PRDM5: variants seen among roughly 807,000 people sequenced by gnomAD.
PRDM5 encodes PR/SET domain 5, also known as PR domain zinc finger protein 5.
A neutral mutation model predicts 81.2 loss-of-function variants in PRDM5; 56 were observed. That is an observed-to-expected ratio of 0.69 (90% CI 0.56 to 0.86). PRDM5 has a LOEUF of 0.86. Among genes scored for constraint, PRDM5 ranks in the 40% least tolerant of loss-of-function variants. The probability of loss-of-function intolerance (pLI) is 0.00; values close to 1 mark genes in which losing one functional copy is unlikely to be tolerated. For synonymous variants in PRDM5, 267 were observed against 256.4 expected (o/e 1.04, Z -0.39); for missense variants, 697 against 770.1 (o/e 0.91, Z 1.12).
chr4:120,747,340 C>T (rs1170834572), intron 14 of PRDM5, among the ~76,000 whole-genome samples: 4 of 148,916 alleles, frequency 2.7e-5, no homozygotes, highest in Non-Finnish European at 5.9e-5. Context: ...TGCTAGATGA[C>T]GAGTTAGTGG....
chr4:120,833,671 A>C (rs1280509777), intron 3 of PRDM5, among the ~76,000 whole-genome samples: 4 of 152,176 alleles, frequency 2.6e-5, no homozygotes, highest in Non-Finnish European at 5.9e-5. Context: ...TGCTTAGTTA[A>C]GATGGAAAAG....
At chr4:120,771,221 G>T (rs77874173) in intron 13 of PRDM5, among the ~76,000 whole-genome samples, 2 of 151,952 alleles carry the variant, frequency 1.3e-5, no homozygotes, top group African/African-American at 4.8e-5. Flanking sequence ...ATTATTGCCC[G>T]CAACCTCTCT....
chr4:120,684,362 G>A (rs996048665), downstream of PRDM5, among the ~76,000 whole-genome samples: 5 of 152,046 alleles, frequency 3.3e-5, no homozygotes, highest in Non-Finnish European at 7.4e-5. Flanking sequence ...CAAGAAAGAA[G>A]GTCATATTTG....
In PRDM5 at chr4:120,839,247, G is replaced by A. The variant is rs547790983; in HGVS notation, c.300+14171C>T. 6.3e-5 allele frequency: 44 copies of A among 703,058 alleles called. No individual in the cohort carries two copies. The Admixed American group carries it at 6.4e-4, about 10-fold the overall frequency. 43.6% of individuals were successfully genotyped at this position (703,058 alleles called of 1,614,324 possible). On this transcript the variant is annotated intron_variant, in intron 3 of 15. Coordinates refer to ENST00000264808, the MANE Select transcript of PRDM5 (RefSeq NM_018699.4). Reference sequence around the variant, plus strand: ...TCTGTGTTACAGCTCTTTTAGCCTCGCCATTCGGCGGGTCCCAAATTCTTG... The same window carrying A: ...TCTGTGTTACAGCTCTTTTAGCCTCACCATTCGGCGGGTCCCAAATTCTTG...
At chr4:120,792,647 A>C (rs1278704444) in intron 10 of PRDM5, among the ~76,000 whole-genome samples, 1 of 152,198 alleles carries the variant, frequency 6.6e-6, no homozygotes, top group Non-Finnish European at 1.5e-5. Context: ...CCAGGATATA[A>C]AAACAACCTA....
chr4:120,922,214 G>A lies in PRDM5; in HGVS notation c.93+302C>T, dbSNP rs565350655. Among the ~76,000 whole-genome samples, 154 of 152,312 alleles carry A rather than the reference G, an allele frequency of 1.0e-3. 1 individual carries two copies. The highest frequency in any genetic ancestry group is 1.3e-3 in the Non-Finnish European group (89 of 68,026). On this transcript the variant is annotated intron_variant, in intron 1 of 15. Coordinates refer to ENST00000264808, the MANE Select transcript of PRDM5 (RefSeq NM_018699.4). ...GGCTCCCGCCGCGCTCACTTCCTGCGGGAGAGAGGAAAGACATCTTGCGGC... is the reference window on the plus strand; with the variant it reads ...GGCTCCCGCCGCGCTCACTTCCTGCAGGAGAGAGGAAAGACATCTTGCGGC...
intron 14 of PRDM5, among the ~76,000 whole-genome samples, chr4:120,729,675 G>A (rs1243276052): frequency 1.3e-5 from 2 of 152,184 alleles, no homozygotes; most frequent in East Asian, 3.8e-4. Context: ...TGGACAGTAA[G>A]TCTCTCTACA....
rs148592786 is a variant in PRDM5 at position 120,913,613 on chromosome 4, T to G, written c.94-6056A>C. Among the ~76,000 whole-genome samples the G allele has an allele frequency of 1.1e-3, 171 of 152,288 alleles. 1 individual carries two copies. Among genetic ancestry groups the G allele is most frequent in the African/African-American group, 3.9e-3 (162 of 41,566 alleles). On this transcript the variant is annotated intron_variant, in intron 1 of 15. Coordinates refer to ENST00000264808, the MANE Select transcript of PRDM5 (RefSeq NM_018699.4). The stretch of plus-strand genomic sequence containing the variant: ...TGACCTGAATGCAACACCTTTCCCC[T>G]TCACCCTCAAACCTGTTACTTTCCT...
intron 14 of PRDM5, among the ~76,000 whole-genome samples, chr4:120,728,688 C>T (rs1490530089): frequency 1.3e-5 from 2 of 152,240 alleles, no homozygotes; most frequent in Middle Eastern, 3.4e-3. Context: ...CCCTTACATA[C>T]GTCGCCTAGT....
chr4:120,738,650 C>T (rs994725095), intron 14 of PRDM5, among the ~76,000 whole-genome samples: 5 of 152,056 alleles, frequency 3.3e-5, no homozygotes, highest in Non-Finnish European at 2.9e-5. Flanking sequence ...AATACAACTC[C>T]CATTGGTAAA....
At chr4:120,797,116 A>G (rs1751448935) in intron 10 of PRDM5, among the ~76,000 whole-genome samples, 1 of 152,206 alleles carries the variant, frequency 6.6e-6, no homozygotes, top group African/African-American at 2.4e-5. Flanking sequence ...TCAACAGAAG[A>G]AACTAGGACA....
At chr4:120,723,773 C>CA in intron 14 of PRDM5, among the ~76,000 whole-genome samples, 1 of 152,130 alleles carries the variant, frequency 6.6e-6, no homozygotes, top group African/African-American at 2.4e-5. Flanking sequence ...GAATGGAAGT[C>CA]AACTAAGAGA....
At chr4:120,836,689 C>T (rs968320619) in intron 3 of PRDM5, among the ~76,000 whole-genome samples, 4 of 152,146 alleles carry the variant, frequency 2.6e-5, no homozygotes, top group African/African-American at 9.7e-5. Context: ...TTATTATGCT[C>T]ATCATCTCTA....
intron 2 of PRDM5, among the ~76,000 whole-genome samples, chr4:120,901,517 C>G (rs4001078): frequency 6.6e-6 from 1 of 152,138 alleles, no homozygotes; most frequent in Non-Finnish European, 1.5e-5. Context: ...GTGACGCACA[C>G]GGCTCTCACA....
rs75135121 is a variant in PRDM5, at chr4:120,714,917, C to T, written c.1624-4504G>A. Among the ~76,000 whole-genome samples the T allele has an allele frequency of 5.3e-4, 81 of 152,206 alleles. 1 individual carries two copies. In the East Asian group the frequency reaches 0.011, roughly 20 times the overall value. On this transcript the variant is annotated intron_variant, in intron 14 of 15. Transcript: ENST00000264808. The stretch of plus-strand genomic sequence containing the variant: ...AACTCCACACTTGAGGGAAGGATTG[C>T]GGTTATAAACTCTAAGAAGAAAGCT...
intron 12 of PRDM5, among the ~76,000 whole-genome samples, chr4:120,780,305 G>A (rs146410384): frequency 0.01 from 1,580 of 152,028 alleles, 10 homozygotes; most frequent in Non-Finnish European, 0.016. Context: ...AATTATCTGG[G>A]CATGGTGAGA....
chr4:120,862,834 C>G (rs1422117943), intron 2 of PRDM5, among the ~76,000 whole-genome samples: 1 of 152,042 alleles, frequency 6.6e-6, no homozygotes, highest in Non-Finnish European at 1.5e-5. Context: ...AAACGTCACA[C>G]ATGTATGGCT....
At chr4:120,903,906 C>G (rs115393831) in intron 2 of PRDM5, among the ~76,000 whole-genome samples, 9,302 of 152,028 alleles carry the variant, frequency 0.061, 365 homozygotes, top group East Asian at 0.15. Context: ...AACTTCCTTC[C>G]TGGCTGGGCA....
At chr4:120,869,861 C>T (rs1275782500) in intron 2 of PRDM5, among the ~76,000 whole-genome samples, 4 of 152,162 alleles carry the variant, frequency 2.6e-5, no homozygotes, top group Non-Finnish European at 4.4e-5. Flanking sequence ...ACTCATGCAT[C>T]TGAGATCTTG....
Sources: allele counts gnomAD v4.1 joint callset (sites outside exome capture counted in the v4.1 genomes callset), GRCh38; gene constraint gnomAD v4.1.1; transcripts MANE v1.5; gene names NCBI Gene and HGNC (gene_info 2026-07-23, HGNC 2026-07-21).